The following CFAP47 variants were observed in gnomAD, a reference collection of about 807,000 sequenced individuals.
CFAP47 encodes the protein cilia- and flagella-associated protein 47.
Under a neutral mutation model 148.1 loss-of-function variants are expected in CFAP47, and 29 were observed. The ratio of observed to expected loss-of-function variants is 0.20; its 90% CI spans 0.15 to 0.27. The LOEUF is 0.27. Among genes scored for constraint, CFAP47 ranks in the 10% least tolerant of loss-of-function variants. The pLI is 1.00. For synonymous variants in CFAP47, 664 were observed against 577.3 expected, an observed-to-expected ratio of 1.15 and a Z score of -2.15; for missense variants, 1,872 against 1,697.5, an observed-to-expected ratio of 1.10 and a Z score of -1.81.
intron 26 of CFAP47, among the ~76,000 whole-genome samples, chrX:36,055,460 C>T (rs560830928): frequency 2.7e-5 from 3 of 111,528 alleles, no homozygotes; most frequent in African/African-American, 9.8e-5. Flanking sequence ...CTGAGCATAA[C>T]GGCTTCCAGC....
intron 40 of CFAP47, among the ~76,000 whole-genome samples, chrX:36,183,170 C>T (rs1939769877): frequency 9.0e-6 from 1 of 111,377 alleles, no homozygotes; most frequent in African/African-American, 3.3e-5. Context: ...ATTAGCTGGA[C>T]ATAGTGGCGG....
intron 46 of CFAP47, among the ~76,000 whole-genome samples, chrX:36,232,029 G>A (rs1194536542): frequency 5.4e-5 from 6 of 111,105 alleles, no homozygotes; most frequent in Non-Finnish European, 7.6e-5. Context: ...ATTTTATTGA[G>A]GATTTTTGCA....
chrX:36,086,598 T>C (rs746975331), intron 30 of CFAP47, among the ~76,000 whole-genome samples: 59 of 111,842 alleles, frequency 5.3e-4, no homozygotes, highest in Non-Finnish European at 1.1e-3. Flanking sequence ...ATTTTTTATT[T>C]CCAAATCAGG....
chrX:36,347,777 T>TTG (rs1296555802), intron 57 of CFAP47, among the ~76,000 whole-genome samples: 4 of 109,351 alleles, frequency 3.7e-5, no homozygotes, highest in Non-Finnish European at 7.6e-5. Flanking sequence ...CCATGGCCTG[T>TTG]TGTGGGGTGG....
At chrX:36,240,733 C>T (rs1322340988) in intron 48 of CFAP47, among the ~76,000 whole-genome samples, 1 of 110,526 alleles carries the variant, frequency 9.0e-6, no homozygotes, top group Non-Finnish European at 1.9e-5. Context: ...CCAAAAAAGC[C>T]CCAGATTTTA....
chrX:35,967,586 C>T (rs770201040), intron 9 of CFAP47, 33 bp from the exon 10 acceptor site: 3 of 1,031,359 alleles, frequency 2.9e-6, no homozygotes, highest in South Asian at 4.1e-5. Flanking sequence ...ATTAAAAATA[C>T]CATCTATAAA....
At chrX:36,068,848 C>T (rs1382398067) in intron 27 of CFAP47, among the ~76,000 whole-genome samples, 2 of 107,441 alleles carry the variant, frequency 1.9e-5, no homozygotes, top group Non-Finnish European at 3.8e-5. Context: ...CCGAGCTACT[C>T]GGGAGGCTGA....
chrX:35,964,246 A>C (rs1027562140), intron 8 of CFAP47, among the ~76,000 whole-genome samples: 4 of 111,750 alleles, frequency 3.6e-5, no homozygotes, highest in East Asian at 2.8e-4. Flanking sequence ...AGAATTTTGC[A>C]TGTACAGTCT....
intron 13 of CFAP47, among the ~76,000 whole-genome samples, chrX:35,974,608 G>A (rs746745944): frequency 6.4e-4 from 71 of 111,616 alleles, no homozygotes; most frequent in African/African-American, 2.2e-3. Context: ...ATACATATAC[G>A]AACACTAATG....
chrX:36,300,402 G>T (rs1556007590), intron 52 of CFAP47, among the ~76,000 whole-genome samples: 1 of 109,183 alleles, frequency 9.2e-6, no homozygotes, highest in East Asian at 2.9e-4. Context: ...CGATTCTCCT[G>T]CCTCAGCCTC....
At position 36,286,940 on chromosome X, in the gene CFAP47, T is replaced by TC. The variant is rs1941139702; in HGVS notation, c.7686+1215dup. On this transcript the variant is annotated intron_variant, in intron 51 of 63. Coordinates refer to ENST00000378653, the MANE Select transcript of CFAP47 (RefSeq NM_001304548.2). ...AGTGGTGTATAAAGTGCCTTTTTTT[T>TC]CTGCAAGAGCTATTAGCCCTTCAAG... is the stretch of plus-strand genomic sequence containing the variant. 3.6e-5 allele frequency among the ~76,000 whole-genome samples: 4 copies of TC among 111,435 alleles called. No individual in the cohort carries two copies. In the South Asian group the frequency reaches 1.5e-3, roughly 41 times the overall value.
At chrX:36,069,243 G>C (rs1284357885) in intron 27 of CFAP47, among the ~76,000 whole-genome samples, 1 of 110,812 alleles carries the variant, frequency 9.0e-6, no homozygotes, top group Non-Finnish European at 1.9e-5. Context: ...CTATTTAAAA[G>C]GGCTTTTGTG....
At chrX:36,173,475 G>T (rs1408089617) in intron 39 of CFAP47, among the ~76,000 whole-genome samples, 1 of 111,479 alleles carries the variant, frequency 9.0e-6, no homozygotes, top group Non-Finnish European at 1.9e-5. Flanking sequence ...CTTTGAATGT[G>T]TCCCAGAGGT....
chrX:35,997,141 A>G (rs1006811036), intron 18 of CFAP47, among the ~76,000 whole-genome samples, 171 bp from the exon 19 acceptor site: 1 of 111,705 alleles, frequency 9.0e-6, no homozygotes, highest in Admixed American at 9.5e-5. Context: ...AGGAGTATCA[A>G]TTCTGCAAAA....
rs775529840 is a variant in CFAP47 at position 36,159,950 on chromosome X, T to C, written c.5937+374T>C. ...TCAAAGGGTGGGGAAGAGAGATTTT[T>C]AAATCTTTATAAAATGGTTGTGACA... On this transcript the variant is annotated intron_variant, in intron 38 of 63. Coordinates refer to ENST00000378653, the MANE Select transcript of CFAP47 (RefSeq NM_001304548.2). Among the ~76,000 whole-genome samples the C allele has an allele frequency of 2.7e-5, 3 of 112,219 alleles. No homozygotes were observed. The Admixed American group carries it at 2.8e-4, about 11-fold the overall frequency.
chrX:36,101,554 G>A (rs907894702), intron 32 of CFAP47, among the ~76,000 whole-genome samples: 9 of 111,536 alleles, frequency 8.1e-5, no homozygotes, highest in African/African-American at 2.0e-4. Context: ...AGGTATGAGC[G>A]CTTGATCTGG....
In CFAP47 at chrX:36,251,405, C is replaced by G. The variant is rs1555998219; in HGVS notation, c.7405C>G (p.Leu2469Val). 2.0e-6 allele frequency: 1 copy of G among 507,292 alleles called. No individual in the cohort carries two copies. The highest frequency in any genetic ancestry group is 3.5e-6 in the Non-Finnish European group (1 of 282,910). The allele number at this position is 507,292 out of a possible 1,213,427, so 41.8% of individuals were successfully genotyped here. A position where few individuals can be genotyped will look rare whatever the true frequency, so the allele number is the denominator to read the frequency against. ...ATACCCTTATAAAGAAATTCTGTAC[C>G]TGATTCATGTGCGCCCTTGGAAACG... Reference protein sequence around the residue: ...TVYPYKEILYLIHVRPWKRGI... With the variant: ...TVYPYKEILYVIHVRPWKRGI... Residue 2469 changes from leucine to valine, a missense_variant, in exon 49 of 64, where the codon CTG becomes GTG. Physicochemically the swap from Leu to Val is conservative, Grantham distance 32. Coordinates refer to ENST00000378653, the MANE Select transcript of CFAP47 (RefSeq NM_001304548.2).
chrX:36,055,743 C>T lies in CFAP47; in HGVS notation c.4217+8680C>T, dbSNP rs186910571. 2.7e-5 allele frequency among the ~76,000 whole-genome samples: 3 copies of T among 112,309 alleles called. No individual in the cohort carries two copies. In the East Asian group the frequency reaches 8.4e-4, roughly 32 times the overall value. On this transcript the variant is annotated intron_variant, in intron 26 of 63. Transcript: ENST00000378653. ...CTGCTTCTAGATCTTTGAGGAATCACCACAATGGTTAAACTAATTTACATT... is the reference window on the plus strand; with the variant it reads ...CTGCTTCTAGATCTTTGAGGAATCATCACAATGGTTAAACTAATTTACATT...
chrX:36,010,680 G>A (rs748390556), intron 21 of CFAP47, among the ~76,000 whole-genome samples: 8 of 110,865 alleles, frequency 7.2e-5, no homozygotes, highest in Admixed American at 3.8e-4. Flanking sequence ...GGATGGTCTC[G>A]ATCTCCTGAC....
Sources: allele counts gnomAD v4.1 joint callset (sites outside exome capture counted in the v4.1 genomes callset), GRCh38; gene constraint gnomAD v4.1.1; transcripts MANE v1.5; gene names NCBI Gene and HGNC (gene_info 2026-07-23, HGNC 2026-07-21).